The following CRTC1 variants were observed in gnomAD, a reference collection of about 807,000 sequenced individuals.
CRTC1 encodes the protein CREB-regulated transcription coactivator 1.
In CRTC1, 18 loss-of-function variants were observed where a neutral mutation model predicts 66.1. The observed-to-expected ratio is 0.27, with a 90% CI of 0.19 to 0.40. CRTC1 has a LOEUF of 0.40. Ranked by LOEUF, CRTC1 falls within the 10% of genes least tolerant of loss-of-function variation. CRTC1 has a pLI of 1.00. For synonymous variants in CRTC1, 416 were observed against 398.8 expected, an observed-to-expected ratio of 1.04 and a Z score of -0.51; for missense variants, 669 against 887.9, an observed-to-expected ratio of 0.75 and a Z score of 3.13.
chr19:18,737,763 C>CCTCCCT (rs1036025044), intron 1 of CRTC1, among the ~76,000 whole-genome samples: 1 of 152,062 alleles, frequency 6.6e-6, no homozygotes, highest in Non-Finnish European at 1.5e-5. Context: ...TCCTCCTCCT[C>CCTCCCT]CTCCCTTTTC....
chr19:18,694,280 G>A (rs1317011410), intron 1 of CRTC1, among the ~76,000 whole-genome samples: 38 of 127,446 alleles, frequency 3.0e-4, no homozygotes, highest in African/African-American at 1.2e-3. Context: ...CAGCCTGGCC[G>A]ACAGAGAGAC....
At chr19:18,727,174 C>A (rs2053773530) in intron 1 of CRTC1, among the ~76,000 whole-genome samples, 1 of 152,018 alleles carries the variant, frequency 6.6e-6, no homozygotes, top group African/African-American at 2.4e-5. Context: ...CACTTGAGCC[C>A]AGGAGTTCAA....
chr19:18,722,370 C>G (rs2053649688), intron 1 of CRTC1, among the ~76,000 whole-genome samples: 1 of 152,174 alleles, frequency 6.6e-6, no homozygotes. Flanking sequence ...GTCCTAAGTC[C>G]TGGAACGTGT....
chr19:18,749,514 C>T (rs978795970), intron 4 of CRTC1, among the ~76,000 whole-genome samples: 1 of 152,274 alleles, frequency 6.6e-6, no homozygotes, highest in Non-Finnish European at 1.5e-5. Context: ...ATCCTCTCAC[C>T]TCAGCCTCCT....
At chr19:18,686,100 C>T (rs1405941052) in intron 1 of CRTC1, among the ~76,000 whole-genome samples, 1 of 151,656 alleles carries the variant, frequency 6.6e-6, no homozygotes, top group African/African-American at 2.4e-5. Context: ...ACTCCCCATT[C>T]CCCCTCCCCT....
At chr19:18,775,603 G>A (rs763663699) in intron 12 of CRTC1, 38 bp from the exon 13 acceptor site, 24 of 1,508,400 alleles carry the variant, frequency 1.6e-5, no homozygotes, top group African/African-American at 5.6e-5. Flanking sequence ...GGGCAGGCCC[G>A]CGGTGGCCCT....
At chr19:18,707,261 T>A (rs1046156228) in intron 1 of CRTC1, among the ~76,000 whole-genome samples, 2 of 152,230 alleles carry the variant, frequency 1.3e-5, no homozygotes, top group African/African-American at 2.4e-5. Flanking sequence ...TTGATCCGTC[T>A]TGAGTTAATT....
At chr19:18,696,261 G>A (rs1005033633) in intron 1 of CRTC1, among the ~76,000 whole-genome samples, 17 of 152,242 alleles carry the variant, frequency 1.1e-4, no homozygotes, top group African/African-American at 3.1e-4. Flanking sequence ...GAGGCAGGGC[G>A]GTTCAGGCTG....
chr19:18,696,720 G>A (rs1490289703), intron 1 of CRTC1, among the ~76,000 whole-genome samples: 1 of 152,122 alleles, frequency 6.6e-6, no homozygotes, highest in Non-Finnish European at 1.5e-5. Flanking sequence ...TACTGGGGGA[G>A]TGGGGACCTC....
At chr19:18,775,863 C>T (rs1206300123) in intron 13 of CRTC1, 42 bp downstream of exon 13, 16 of 1,519,086 alleles carry the variant, frequency 1.1e-5, no homozygotes, top group Non-Finnish European at 1.4e-5. Context: ...CCCCAAGGGG[C>T]CTCAGCCCGT....
Position 18,713,124 on chromosome 19 carries a change from C to T in CRTC1, c.126+29296C>T, listed in dbSNP as rs1194158188. Reference sequence around the variant, plus strand: ...CACTATGTGGCGTTTTGTGTCTGGCCTCTCTCACTCAGCATCGTGTCTTCA... The same window carrying T: ...CACTATGTGGCGTTTTGTGTCTGGCTTCTCTCACTCAGCATCGTGTCTTCA... On this transcript the variant is annotated intron_variant, in intron 1 of 13. Transcript: ENST00000321949. Among the ~76,000 whole-genome samples the T allele has an allele frequency of 5.3e-5, 8 of 152,340 alleles. No homozygotes were observed. The South Asian group carries it at 1.5e-3, about 28-fold the overall frequency.
In CRTC1 at chr19:18,741,053, C is replaced by T. The variant is rs946217665; in HGVS notation, c.127-1857C>T. 2.0e-5 allele frequency among the ~76,000 whole-genome samples: 3 copies of T among 152,264 alleles called. No individual in the cohort carries two copies. The highest frequency in any genetic ancestry group is 7.2e-5 in the African/African-American group (3 of 41,554). Reference sequence around the variant, plus strand: ...ACAACAAAAAAGAAAAGCAGAGTCCCCACTCAGTGTCCACTCCTGGCCCAG... The same window carrying T: ...ACAACAAAAAAGAAAAGCAGAGTCCTCACTCAGTGTCCACTCCTGGCCCAG... On this transcript the variant is annotated intron_variant, in intron 1 of 13. Transcript: ENST00000321949. The surrounding 1 kb of genome is among the most constrained non-coding windows in gnomAD (Gnocchi z 4.2).
chr19:18,715,437 G>A (rs1296294400), intron 1 of CRTC1, among the ~76,000 whole-genome samples: 2 of 152,184 alleles, frequency 1.3e-5, no homozygotes, highest in Non-Finnish European at 2.9e-5. Flanking sequence ...CATTGGATTA[G>A]GGCCCACCCT....
chr19:18,778,042 C>T lies in CRTC1; in HGVS notation c.*660C>T, dbSNP rs2055033445. ...AGAGCATGCAGGGCGGCGGACCCCC[C>T]CACGACCCTCCTCGCCCTGTCTCCA... On this transcript the variant is annotated 3_prime_UTR_variant, in exon 14 of 14. Coordinates refer to ENST00000321949, the MANE Select transcript of CRTC1 (RefSeq NM_015321.3). The T allele has an allele frequency of 8.5e-6, 2 of 233,982 alleles. No homozygotes were observed. The highest frequency in any genetic ancestry group is 4.4e-5 in the African/African-American group (2 of 45,346). The allele number at this position is 233,982 out of a possible 1,614,324, so 14.5% of individuals were successfully genotyped here.
At chr19:18,740,563 C>T (rs1464855829) in intron 1 of CRTC1, among the ~76,000 whole-genome samples, 3 of 152,202 alleles carry the variant, frequency 2.0e-5, no homozygotes, top group Non-Finnish European at 4.4e-5. Context: ...CTCAGGCACA[C>T]AATGACACTC....
At chr19:18,685,849 G>A (rs1425607567) in intron 1 of CRTC1, among the ~76,000 whole-genome samples, 1 of 152,126 alleles carries the variant, frequency 6.6e-6, no homozygotes, top group Non-Finnish European at 1.5e-5. Flanking sequence ...GTTCATGGGT[G>A]TCATTCTGAT....
rs2055025468 is a variant in CRTC1 at position 18,777,718 on chromosome 19, CCG to C, written c.*337_*338del. ...TGTAAGATGCGGGAAGTGTCAGCTCCCGGCGTGGCGGGCAGGCTCAGGGGAGG... is the reference window on the plus strand; with the variant it reads ...TGTAAGATGCGGGAAGTGTCAGCTCCGCGTGGCGGGCAGGCTCAGGGGAGG... On this transcript the variant is annotated 3_prime_UTR_variant, in exon 14 of 14. Transcript: ENST00000321949. This position sits in a 1 kb window ranked among gnomAD's most constrained non-coding sequence, Gnocchi z 5.5. 2.7e-6 allele frequency: 1 copy of C among 367,908 alleles called. No homozygotes were observed. Among genetic ancestry groups the C allele is most frequent in the Non-Finnish European group, 5.0e-6 (1 of 200,862 alleles). The allele number at this position is 367,908 out of a possible 1,614,324, so 22.8% of individuals were successfully genotyped here.
At position 18,768,923 on chromosome 19, in the gene CRTC1, C is replaced by T; in HGVS notation, c.1320+130C>T. The T allele has an allele frequency of 8.5e-7, 1 of 1,169,972 alleles. No individual in the cohort carries two copies. Among genetic ancestry groups the T allele is most frequent in the South Asian group, 1.6e-5 (1 of 61,786 alleles). 72.5% of individuals were successfully genotyped at this position (1,169,972 alleles called of 1,614,324 possible). On this transcript the variant is annotated intron_variant, in intron 10 of 13. Coordinates refer to ENST00000321949, the MANE Select transcript of CRTC1 (RefSeq NM_015321.3). This position sits in a 1 kb window ranked among gnomAD's most constrained non-coding sequence, Gnocchi z 5.6. ...GAACCCCAGCGAACGCTGCCTGGGC[C>T]CACCTCTCCACGGGGCTACCCCTTG...
rs776798502 is a variant in CRTC1, at chr19:18,777,405, G to A, written c.*23G>A. On this transcript the variant is annotated 3_prime_UTR_variant, in exon 14 of 14. Coordinates refer to ENST00000321949, the MANE Select transcript of CRTC1 (RefSeq NM_015321.3). This position sits in a 1 kb window ranked among gnomAD's most constrained non-coding sequence, Gnocchi z 5.5. ...TGAGCGGGCACGCCGGCACCCTGCC[G>A]CTCAGCCGTCCCGACGGCGCCTCCC... 1.4e-5 allele frequency: 22 copies of A among 1,594,998 alleles called. No individual in the cohort carries two copies. Among genetic ancestry groups the A allele is most frequent in the African/African-American group, 1.3e-5 (1 of 74,784 alleles).
Sources: allele counts gnomAD v4.1 joint callset (sites outside exome capture counted in the v4.1 genomes callset), GRCh38; gene constraint gnomAD v4.1.1; non-coding constraint Gnocchi (gnomAD v3.1); transcripts MANE v1.5; gene names NCBI Gene and HGNC (gene_info 2026-07-23, HGNC 2026-07-21).